PCSK2: variants seen among roughly 807,000 people sequenced by gnomAD.
PCSK2 encodes neuroendocrine convertase 2.
PCSK2 carries 14 observed loss-of-function variants against 69.7 expected under a neutral mutation model. The observed-to-expected ratio is 0.20, with a 90% CI of 0.13 to 0.31. The LOEUF is 0.31. Among genes scored for constraint, PCSK2 ranks in the 10% least tolerant of loss-of-function variants. The pLI, the probability that PCSK2 is intolerant of heterozygous loss-of-function variation, is 1.00. For synonymous variants in PCSK2, 307 were observed against 320.7 expected (o/e 0.96, Z 0.46); for missense variants, 544 against 842.5 (o/e 0.65, Z 4.39).
At chr20:17,307,517 A>G (rs1989363801) in intron 2 of PCSK2, among the ~76,000 whole-genome samples, 1 of 152,234 alleles carries the variant, frequency 6.6e-6, no homozygotes, top group Non-Finnish European at 1.5e-5. Context: ...GGCCAGAACA[A>G]GAGCCATAGG....
At chr20:17,284,236 A>C (rs1288283971) in intron 2 of PCSK2, among the ~76,000 whole-genome samples, 1 of 152,208 alleles carries the variant, frequency 6.6e-6, no homozygotes, top group East Asian at 1.9e-4. Flanking sequence ...ACAGTCAAAG[A>C]GTAGCAGTCA....
intron 11 of PCSK2, among the ~76,000 whole-genome samples, chr20:17,478,635 G>C (rs573968202): frequency 6.6e-6 from 1 of 152,312 alleles, no homozygotes; most frequent in East Asian, 1.9e-4. Flanking sequence ...TAAGTGAGGG[G>C]AAGAAAGTTT....
At chr20:17,433,917 T>C (rs527543298) in intron 7 of PCSK2, among the ~76,000 whole-genome samples, 11 of 75,752 alleles carry the variant, frequency 1.5e-4, no homozygotes, top group African/African-American at 5.3e-4. Flanking sequence ...CTCCCTTTCC[T>C]CTCTCTTTCC....
intron 10 of PCSK2, 40 bp from the exon 11 acceptor site, chr20:17,465,285 CT>C (rs1568661498): frequency 7.1e-7 from 1 of 1,405,450 alleles, no homozygotes; most frequent in Non-Finnish European, 1.0e-6. Context: ...CTCACCCTGC[CT>C]TTTGCCCTTG....
intron 10 of PCSK2, among the ~76,000 whole-genome samples, chr20:17,462,331 C>T (rs2123396086): frequency 1.3e-5 from 2 of 152,302 alleles, no homozygotes; most frequent in Admixed American, 6.5e-5. Flanking sequence ...GAACCACTGT[C>T]CCAGACTACC....
At chr20:17,259,491 A>G (rs1419930496) in intron 1 of PCSK2, among the ~76,000 whole-genome samples, 1 of 152,148 alleles carries the variant, frequency 6.6e-6, no homozygotes, top group Non-Finnish European at 1.5e-5. Flanking sequence ...CCTGAGCCAC[A>G]TCCAGGCCTC....
chr20:17,308,359 A>G (rs900930458), intron 2 of PCSK2, among the ~76,000 whole-genome samples: 3 of 152,232 alleles, frequency 2.0e-5, no homozygotes, highest in Non-Finnish European at 4.4e-5. Context: ...AATAGGTAGT[A>G]CAATTAGAAA....
At chr20:17,433,765 AG>A (rs2032415949) in intron 7 of PCSK2, among the ~76,000 whole-genome samples, 1 of 144,116 alleles carries the variant, frequency 6.9e-6, no homozygotes, top group Non-Finnish European at 1.5e-5. Flanking sequence ...GTGAAGACAC[AG>A]ACTCCTAGCT....
chr20:17,412,380 G>T (rs760430670), intron 6 of PCSK2, among the ~76,000 whole-genome samples: 1 of 152,128 alleles, frequency 6.6e-6, no homozygotes, highest in Non-Finnish European at 1.5e-5. Context: ...ACTTCGTGAC[G>T]CATGCAAAAG....
At chr20:17,358,713 C>T (rs2030291075) in intron 3 of PCSK2, among the ~76,000 whole-genome samples, 1 of 152,144 alleles carries the variant, frequency 6.6e-6, no homozygotes, top group Non-Finnish European at 1.5e-5. Flanking sequence ...AAAAAGTGCA[C>T]CAGTGTATGA....
At chr20:17,319,495 C>T (rs1989798735) in intron 2 of PCSK2, among the ~76,000 whole-genome samples, 1 of 152,132 alleles carries the variant, frequency 6.6e-6, no homozygotes, top group African/African-American at 2.4e-5. Flanking sequence ...ACAGAGTAGC[C>T]CAAGATTGTT....
chr20:17,348,579 A>G (rs191196844), intron 2 of PCSK2, among the ~76,000 whole-genome samples: 2 of 152,284 alleles, frequency 1.3e-5, no homozygotes, highest in Non-Finnish European at 2.9e-5. Flanking sequence ...GAAGGCTCTC[A>G]TATGGGGGGC....
chr20:17,310,462 C>A (rs1356501991), intron 2 of PCSK2, among the ~76,000 whole-genome samples: 1 of 151,946 alleles, frequency 6.6e-6, no homozygotes, highest in Non-Finnish European at 1.5e-5. Flanking sequence ...TATTAATAGC[C>A]AACACTGGTT....
At chr20:17,428,195 G>C (rs1413429142) in intron 6 of PCSK2, among the ~76,000 whole-genome samples, 2 of 152,186 alleles carry the variant, frequency 1.3e-5, no homozygotes, top group Admixed American at 1.3e-4. Flanking sequence ...TGTTCAAGCT[G>C]GTTCACATAC....
chr20:17,396,361 G>A (rs1352574279), intron 5 of PCSK2, among the ~76,000 whole-genome samples: 1 of 152,166 alleles, frequency 6.6e-6, no homozygotes, highest in African/African-American at 2.4e-5. Flanking sequence ...GCTGTGGTAA[G>A]CCCATCTGCA....
chr20:17,239,237 G>A (rs1297189529), intron 1 of PCSK2, among the ~76,000 whole-genome samples: 1 of 152,076 alleles, frequency 6.6e-6, no homozygotes, highest in Non-Finnish European at 1.5e-5. Flanking sequence ...TTTTATCAGG[G>A]CACCACCAAT....
chr20:17,286,967 G>A (rs1013702138), intron 2 of PCSK2, among the ~76,000 whole-genome samples: 2 of 152,212 alleles, frequency 1.3e-5, no homozygotes, highest in East Asian at 3.8e-4. Flanking sequence ...TGCAGGGCAG[G>A]CCAGCAGGCT....
intron 9 of PCSK2, among the ~76,000 whole-genome samples, chr20:17,455,517 G>A (rs997479175): frequency 1.8e-4 from 28 of 152,318 alleles, no homozygotes; most frequent in Non-Finnish European, 3.7e-4. Flanking sequence ...GATTTTAGAT[G>A]TAGAGAAACA....
At chr20:17,358,796 A>C (rs1411171590) in intron 3 of PCSK2, among the ~76,000 whole-genome samples, 1 of 152,248 alleles carries the variant, frequency 6.6e-6, no homozygotes, top group African/African-American at 2.4e-5. Context: ...TTCAACAGAC[A>C]GAGTAACAGG....
Sources: allele counts gnomAD v4.1 joint callset (sites outside exome capture counted in the v4.1 genomes callset), GRCh38; gene constraint gnomAD v4.1.1; transcripts MANE v1.5; gene names NCBI Gene and HGNC (gene_info 2026-07-23, HGNC 2026-07-21).